The following CDK5RAP2 variants were observed in gnomAD, a reference collection of about 807,000 sequenced individuals.
CDK5RAP2 encodes the protein CDK5 regulatory subunit-associated protein 2.
In CDK5RAP2, 147 loss-of-function variants were observed where a neutral mutation model predicts 232.9. That is an observed-to-expected ratio of 0.63 (90% CI 0.55 to 0.72). The LOEUF is 0.72. Among genes scored for constraint, CDK5RAP2 ranks in the 30% least tolerant of loss-of-function variants. The pLI is 0.00. For missense variants in CDK5RAP2, 2,195 were observed against 2,231.5 expected (o/e 0.98, Z 0.33); for synonymous variants, 833 against 833.7 (o/e 1.00, Z 0.01).
chr9:120,488,759 C>A (rs2131622217), intron 13 of CDK5RAP2, among the ~76,000 whole-genome samples: 1 of 152,362 alleles, frequency 6.6e-6, no homozygotes. Context: ...CTGCTCATAA[C>A]TTAGCCATAT....
Position 120,530,137 on chromosome 9 carries a change from C to G in CDK5RAP2, c.666G>C (p.Leu222=). ...MALVLDEKDR[L]IEELKLSLKS... is the part of the protein sequence containing the mutation. ...TCAAAGACAGCTTCAACTCCTCAAT[C>G]AGTCTAAAAGAGAACAAAATTTAAA... The change falls in exon 8 of 38, where the codon CTG becomes CTC. Residue 222 remains leucine, a synonymous_variant. Transcript: ENST00000349780. 1 of 1,612,532 alleles carries G rather than the reference C, an allele frequency of 6.2e-7. No individual in the cohort carries two copies.
At chr9:120,389,702 C>G (rs878950836) in intron 37 of CDK5RAP2, 39 bp downstream of exon 37, 1 of 1,597,222 alleles carries the variant, frequency 6.3e-7, no homozygotes, top group Admixed American at 1.7e-5. Flanking sequence ...TCCTCCTGAC[C>G]TTCCACTGGC....
chr9:120,537,227 G>A (rs1030987197), intron 6 of CDK5RAP2, among the ~76,000 whole-genome samples: 4 of 152,108 alleles, frequency 2.6e-5, no homozygotes, highest in African/African-American at 9.7e-5. Context: ...TGTGACCTCA[G>A]GCAGTTGCTA....
chr9:120,524,681 C>T (rs948433340), intron 11 of CDK5RAP2, among the ~76,000 whole-genome samples: 2 of 151,980 alleles, frequency 1.3e-5, no homozygotes, highest in Admixed American at 6.6e-5. Flanking sequence ...ATGATGACTA[C>T]CTTTCCCACA....
At chr9:120,518,685 A>G (rs1441956462) in intron 11 of CDK5RAP2, 40 bp from the exon 12 acceptor site, 2 of 1,527,250 alleles carry the variant, frequency 1.3e-6, no homozygotes. Flanking sequence ...GCTAATTTTC[A>G]TACCTCATGA....
At chr9:120,544,223 G>A (rs2041751151) in intron 5 of CDK5RAP2, among the ~76,000 whole-genome samples, 1 of 152,168 alleles carries the variant, frequency 6.6e-6, no homozygotes, top group Non-Finnish European at 1.5e-5. Flanking sequence ...GTGAGCTGAG[G>A]TTTCCATGTG....
rs1423151721 is a variant in CDK5RAP2 at position 120,524,974 on chromosome 9, G to A, written c.1092+12C>T. 1.2e-6 allele frequency: 2 copies of A among 1,604,262 alleles called. No homozygotes were observed. Among genetic ancestry groups the A allele is most frequent in the Non-Finnish European group, 1.7e-6 (2 of 1,171,030 alleles). ...TCAAAGAGACAGCCACTTAAGCCAA[G>A]TGTACACTTACCTGAAATTCCTGGG... On this transcript the variant is annotated intron_variant, in intron 11 of 37. Coordinates refer to ENST00000349780, the MANE Select transcript of CDK5RAP2 (RefSeq NM_018249.6).
intron 12 of CDK5RAP2, among the ~76,000 whole-genome samples, chr9:120,507,563 A>C (rs943820574): frequency 6.6e-5 from 10 of 152,128 alleles, no homozygotes; most frequent in Admixed American, 6.6e-5. Context: ...CTTCCTCTAG[A>C]AATTGACTCA....
chr9:120,496,392 A>G (rs1432029584), intron 12 of CDK5RAP2, among the ~76,000 whole-genome samples: 6 of 67,830 alleles, frequency 8.8e-5, no homozygotes, highest in Admixed American at 5.0e-4. Flanking sequence ...GGGGGGGGTC[A>G]GCCCCCCCGC....
Position 120,389,636 on chromosome 9 carries a change from G to A in CDK5RAP2, c.5625+105C>T, listed in dbSNP as rs2031735484. On this transcript the variant is annotated intron_variant, in intron 37 of 37. Transcript: ENST00000349780. ...AGAAACAACTCTCTGAGGAGGACAT[G>A]TCCCCTGGTTCCACCTGCACCTTCA... 9 of 1,078,112 alleles carry A rather than the reference G, an allele frequency of 8.3e-6. No homozygotes were observed. The South Asian group carries it at 1.2e-4, about 14-fold the overall frequency. 66.8% of individuals were successfully genotyped at this position (1,078,112 alleles called of 1,614,324 possible). A position where few individuals can be genotyped will look rare whatever the true frequency, so the allele number is the denominator to read the frequency against.
At chr9:120,559,021 ACAATCCAGAC>A (rs2042356311) in intron 3 of CDK5RAP2, among the ~76,000 whole-genome samples, 1 of 152,244 alleles carries the variant, frequency 6.6e-6, no homozygotes. Flanking sequence ...ATGAATAAAT[ACAATCCAGAC>A]CACTTTACTA....
intron 5 of CDK5RAP2, among the ~76,000 whole-genome samples, chr9:120,542,329 A>C (rs2132002630): frequency 6.6e-6 from 1 of 152,196 alleles, no homozygotes; most frequent in Middle Eastern, 3.4e-3. Flanking sequence ...ACATGGTGAA[A>C]CCCTGTCTCT....
chr9:120,564,023 C>T (rs1319950735), intron 3 of CDK5RAP2, among the ~76,000 whole-genome samples: 1 of 152,202 alleles, frequency 6.6e-6, no homozygotes, highest in Non-Finnish European at 1.5e-5. Flanking sequence ...GTTTCAGCCA[C>T]ACCTGGCTAA....
chr9:120,549,726 G>A (rs1254440778), intron 4 of CDK5RAP2, among the ~76,000 whole-genome samples: 2 of 152,198 alleles, frequency 1.3e-5, no homozygotes, highest in Non-Finnish European at 2.9e-5. Context: ...AGAGGTTCTA[G>A]ACGCATGACC....
chr9:120,432,254 T>G (rs1324016544), intron 25 of CDK5RAP2, among the ~76,000 whole-genome samples: 6 of 152,168 alleles, frequency 3.9e-5, no homozygotes, highest in Non-Finnish European at 7.3e-5. Context: ...TTATTATCTA[T>G]AACTGAACAA....
Position 120,490,981 on chromosome 9 carries a change from T to A in CDK5RAP2, c.1482+326A>T, listed in dbSNP as rs1052613356. ...AGTACAGGGGAATGAAAGAGCATGG[T>A]ATAAATAAGTAACAGGAAGTATTTG... On this transcript the variant is annotated intron_variant, in intron 13 of 37. Coordinates refer to ENST00000349780, the MANE Select transcript of CDK5RAP2 (RefSeq NM_018249.6). Among the ~76,000 whole-genome samples the A allele has an allele frequency of 4.6e-5, 7 of 152,296 alleles. No homozygotes were observed. In the East Asian group the frequency reaches 1.4e-3, roughly 29 times the overall value.
chr9:120,425,173 C>G (rs2034816191), intron 25 of CDK5RAP2, among the ~76,000 whole-genome samples: 1 of 152,214 alleles, frequency 6.6e-6, no homozygotes, highest in African/African-American at 2.4e-5. Context: ...ATGCCACCAG[C>G]AGCATGAGTT....
chr9:120,558,796 A>AC (rs1170745321), intron 3 of CDK5RAP2, among the ~76,000 whole-genome samples: 2 of 152,106 alleles, frequency 1.3e-5, no homozygotes, highest in African/African-American at 4.8e-5. Context: ...ATCTCTATGA[A>AC]CCCAACCAGC....
chr9:120,448,629 C>A (rs975502058), intron 21 of CDK5RAP2, among the ~76,000 whole-genome samples: 7 of 152,168 alleles, frequency 4.6e-5, no homozygotes, highest in Admixed American at 1.3e-4. Context: ...ACAGAGTCAA[C>A]TGAAAATTCT....
Sources: allele counts gnomAD v4.1 joint callset (sites outside exome capture counted in the v4.1 genomes callset), GRCh38; gene constraint gnomAD v4.1.1; transcripts MANE v1.5; gene names NCBI Gene and HGNC (gene_info 2026-07-23, HGNC 2026-07-21).